Variants in USP49 observed in about 807,000 individuals in gnomAD.
USP49 encodes ubiquitin specific peptidase 49, also known as ubiquitin carboxyl-terminal hydrolase 49.
USP49 carries 24 observed loss-of-function variants against 58.6 expected under a neutral mutation model. The ratio of observed to expected loss-of-function variants is 0.41; its 90% CI spans 0.30 to 0.58. The LOEUF is 0.58. USP49 is among the 20% of genes least tolerant of loss of function. The pLI is 0.30. For synonymous variants in USP49, 408 were observed against 365.1 expected (o/e 1.12, Z -1.34); for missense variants, 703 against 866.1 (o/e 0.81, Z 2.36).
At chr6:41,808,099 A>G (rs1773175768) in intron 3 of USP49, among the ~76,000 whole-genome samples, 1 of 152,138 alleles carries the variant, frequency 6.6e-6, no homozygotes, top group South Asian at 2.1e-4. Flanking sequence ...TTTGAAAAGA[A>G]CATCTGCATC....
chr6:41,879,910 G>C (rs538198976), intron 2 of USP49, among the ~76,000 whole-genome samples: 1 of 152,188 alleles, frequency 6.6e-6, no homozygotes, highest in South Asian at 2.1e-4. Flanking sequence ...CTGACACTTG[G>C]GCAAATCCAG....
At chr6:41,874,904 G>C (rs543358128) in intron 2 of USP49, among the ~76,000 whole-genome samples, 4 of 152,310 alleles carry the variant, frequency 2.6e-5, no homozygotes, top group Non-Finnish European at 4.4e-5. Flanking sequence ...GCTGCAGTGA[G>C]CTGTGCGTGA....
rs1363152132 is a variant in USP49, at chr6:41,838,928, G to A, written c.-28-31917C>T. ...ACTGGAAATTAACTCCAAAAGGAAC[G>A]CTCGAAACTATGGACATTAAATAAT... On this transcript the variant is annotated intron_variant, in intron 3 of 7. Coordinates refer to ENST00000682992, the MANE Select transcript of USP49 (RefSeq NM_001286554.2). Among the ~76,000 whole-genome samples the A allele has an allele frequency of 5.3e-5, 8 of 152,100 alleles. No homozygotes were observed. In the East Asian group the frequency reaches 7.7e-4, roughly 15 times the overall value.
chr6:41,884,830 A>G (rs1372857834), intron 2 of USP49, among the ~76,000 whole-genome samples: 1 of 152,226 alleles, frequency 6.6e-6, no homozygotes, highest in Non-Finnish European at 1.5e-5. Flanking sequence ...AGTAGCATAT[A>G]ATATATACTA....
intron 2 of USP49, among the ~76,000 whole-genome samples, chr6:41,879,880 C>T (rs1033548251): frequency 9.9e-5 from 15 of 152,186 alleles, no homozygotes; most frequent in African/African-American, 3.4e-4. Context: ...AAGAATAAAC[C>T]ACCAGTTAAC....
chr6:41,892,428 G>A (rs974878573), intron 1 of USP49, among the ~76,000 whole-genome samples: 29 of 152,168 alleles, frequency 1.9e-4, no homozygotes, highest in African/African-American at 6.0e-4. Context: ...CATCTTGAAA[G>A]TCAACATTAT....
At chr6:41,818,200 T>C (rs1459685888) in intron 3 of USP49, among the ~76,000 whole-genome samples, 2 of 152,174 alleles carry the variant, frequency 1.3e-5, no homozygotes, top group Non-Finnish European at 2.9e-5. Flanking sequence ...TTTTGATTAA[T>C]TAACTTAATA....
rs113908900 is a variant in USP49, at chr6:41,806,180, G to A, written c.804C>T (p.Leu268=). Residue 268 remains leucine, a synonymous_variant, in exon 4 of 8, where the codon CTC becomes CTT. Transcript: ENST00000682992. The surrounding 1 kb of genome is among the most constrained non-coding windows in gnomAD (Gnocchi z 5.9). The part of the protein sequence containing the change: ...LGNTCYMNSI[L]QVLSHLQKFR... ...ACTTCTGGAGGTGGCTGAGCACCTG[G>A]AGGATGGAGTTCATGTAGCAGGTGT... 1 of 1,613,290 alleles carries A rather than the reference G, an allele frequency of 6.2e-7. No homozygotes were observed. Among genetic ancestry groups the A allele is most frequent in the Non-Finnish European group, 8.5e-7 (1 of 1,180,034 alleles).
At position 41,805,934 on chromosome 6, in the gene USP49, C is replaced by T; in HGVS notation, c.1050G>A (p.Pro350=). ...GGCAGAGGGAAATGTGCTTTGAACT[C>T]GGCTCCTTGTTCTGGATGAGCTCCA... The part of the protein sequence containing the change: ...RSLELIQNKE[P]SSKHISLCRE... Residue 350 remains proline (P), a synonymous_variant, in exon 4 of 8, where the codon CCG becomes CCA. Transcript: ENST00000682992. The T allele has an allele frequency of 1.9e-6, 3 of 1,613,938 alleles. No homozygotes were observed. The highest frequency in any genetic ancestry group is 1.1e-5 in the South Asian group (1 of 91,076).
chr6:41,799,802 CCAGCTGGGACT>C lies in USP49; in HGVS notation c.1670+17_1670+27del. On this transcript the variant is annotated intron_variant, in intron 6 of 7. Transcript: ENST00000682992. Reference sequence around the variant, plus strand: ...GAGCAGCTATTCCCACAGCTCTCACCCAGCTGGGACTCCCACAGCAAGCTCACCTGAATCTT... The same window carrying C: ...GAGCAGCTATTCCCACAGCTCTCACCCCCACAGCAAGCTCACCTGAATCTT... 6.2e-7 allele frequency: 1 copy of C among 1,600,856 alleles called. No individual in the cohort carries two copies.
chr6:41,835,504 G>A (rs1386621871), intron 3 of USP49, among the ~76,000 whole-genome samples: 4 of 151,352 alleles, frequency 2.6e-5, no homozygotes, highest in Non-Finnish European at 5.9e-5. Flanking sequence ...ACGAGGTCAA[G>A]AGATCAAGAC....
chr6:41,883,520 C>T (rs779105439), intron 2 of USP49, among the ~76,000 whole-genome samples: 2 of 151,786 alleles, frequency 1.3e-5, no homozygotes, highest in Non-Finnish European at 2.9e-5. Context: ...TGGTGGTACA[C>T]GCCTGTAATC....
intron 3 of USP49, among the ~76,000 whole-genome samples, chr6:41,831,394 C>T (rs1239800649): frequency 2.0e-5 from 3 of 149,464 alleles, no homozygotes; most frequent in Non-Finnish European, 4.5e-5. Context: ...CATCTCAAAA[C>T]AGAAATAAAA....
intron 3 of USP49, among the ~76,000 whole-genome samples, chr6:41,860,142 C>G (rs139877730): frequency 6.6e-6 from 1 of 152,276 alleles, no homozygotes; most frequent in East Asian, 1.9e-4. Flanking sequence ...TCCAATAACA[C>G]TGGGATACAG....
intron 3 of USP49, among the ~76,000 whole-genome samples, chr6:41,863,006 G>A (rs1202334748): frequency 6.6e-6 from 1 of 151,974 alleles, no homozygotes; most frequent in Non-Finnish European, 1.5e-5. Context: ...CGAACTCTTA[G>A]CCTCAAGCAA....
In USP49 at chr6:41,803,764, T is replaced by C. The variant is rs202034876; in HGVS notation, c.1561+42A>G. The C allele has an allele frequency of 7.3e-5, 117 of 1,604,372 alleles. No homozygotes were observed. Among genetic ancestry groups the C allele is most frequent in the Non-Finnish European group, 9.1e-5 (107 of 1,171,706 alleles). On this transcript the variant is annotated intron_variant, in intron 5 of 7. Coordinates refer to ENST00000682992, the MANE Select transcript of USP49 (RefSeq NM_001286554.2). This position sits in a 1 kb window ranked among gnomAD's most constrained non-coding sequence, Gnocchi z 4.1. ...GCAGCACCTTAAACTGATATTCCAA[T>C]TATTCTTCCCCACTACGCCCCCTCC...
At chr6:41,883,771 A>T (rs1774657853) in intron 2 of USP49, among the ~76,000 whole-genome samples, 1 of 152,146 alleles carries the variant, frequency 6.6e-6, no homozygotes, top group Non-Finnish European at 1.5e-5. Context: ...ACAACCATTC[A>T]ACAGCCTCAT....
chr6:41,814,684 C>T (rs1476780529), intron 3 of USP49, among the ~76,000 whole-genome samples: 2 of 152,148 alleles, frequency 1.3e-5, no homozygotes, highest in Non-Finnish European at 2.9e-5. Flanking sequence ...AATTCCATTT[C>T]TTCTCGCTCT....
chr6:41,850,096 A>G (rs1234481936), intron 3 of USP49, among the ~76,000 whole-genome samples: 1 of 152,206 alleles, frequency 6.6e-6, no homozygotes, highest in Non-Finnish European at 1.5e-5. Context: ...CATATGGGAT[A>G]CAGGAAAAGC....
Sources: gnomAD v4.1 joint callset for allele counts (sites outside exome capture counted in the v4.1 genomes callset) on GRCh38, gnomAD v4.1.1 for gene constraint, Gnocchi (gnomAD v3.1) non-coding constraint, MANE v1.5 for transcripts, NCBI Gene and HGNC (gene_info 2026-07-23, HGNC 2026-07-21) for gene names.